The following KRTAP10-10 variants were observed in gnomAD, a reference collection of about 807,000 sequenced individuals.
KRTAP10-10 encodes the protein keratin-associated protein 10-10.
For missense variants in KRTAP10-10, 324 were observed against 319.9 expected, an observed-to-expected ratio of 1.01 and a Z score of -0.10; for synonymous variants, 139 against 137.6, an observed-to-expected ratio of 1.01 and a Z score of -0.07.
At position 44,638,257 on chromosome 21, in the gene KRTAP10-10, G is replaced by A; in HGVS notation, c.*84G>A. 1 of 1,521,864 alleles carries A rather than the reference G, an allele frequency of 6.6e-7. No individual in the cohort carries two copies. Among genetic ancestry groups the A allele is most frequent in the Non-Finnish European group, 8.8e-7 (1 of 1,132,986 alleles). The allele number at this position is 1,521,864 out of a possible 1,614,324, so 94.3% of individuals were successfully genotyped here. On this transcript the variant is annotated 3_prime_UTR_variant, in exon 1 of 1. Transcript: ENST00000380095. ...AGCAAGCTCTGCCCTCTCTGGCTTTGACACCCTCAGAAGGTGGGGCAGGCT... is the reference window on the plus strand; with the variant it reads ...AGCAAGCTCTGCCCTCTCTGGCTTTAACACCCTCAGAAGGTGGGGCAGGCT...
In KRTAP10-10 at chr21:44,638,085, C is replaced by A. The variant is rs148314406; in HGVS notation, c.668C>A (p.Thr223Lys). ...TCCTGCCAGCCCAGCTGCTGCCGCA[C>A]GGCCTCCTGTGTTTCCCTCCTCTGC... ...ASSCQPSCCR[T>K]ASCVSLLCRP... The change falls in exon 1 of 1, where the codon ACG (threonine) becomes AAG (lysine). Residue 223 changes from threonine to lysine, a missense_variant. Transcript: ENST00000380095. 3.1e-6 allele frequency: 5 copies of A among 1,613,512 alleles called. No homozygotes were observed. In the Admixed American group the frequency reaches 6.7e-5, roughly 22 times the overall value.
Position 44,637,858 on chromosome 21 carries a change from T to C in KRTAP10-10, c.441T>C (p.Cys147=). 50 of 1,530,508 alleles carry C rather than the reference T, an allele frequency of 3.3e-5. No homozygotes were observed. The highest frequency in any genetic ancestry group is 4.4e-5 in the Non-Finnish European group (50 of 1,125,484). 94.8% of individuals were successfully genotyped at this position (1,530,508 alleles called of 1,614,324 possible). A position where few individuals can be genotyped will look rare whatever the true frequency, so the allele number is the denominator to read the frequency against. The change falls in exon 1 of 1, where the codon TGT becomes TGC. Residue 147 remains cysteine (C), a synonymous_variant. Coordinates refer to ENST00000380095, the MANE Select transcript of KRTAP10-10 (RefSeq NM_181688.3). Reference sequence around the variant, plus strand: ...CCTCCCCATGCCAGCAGGCCTGCTGTGTGCCTGTCTGCTCTAAGTCCGTCT... The same window carrying C: ...CCTCCCCATGCCAGCAGGCCTGCTGCGTGCCTGTCTGCTCTAAGTCCGTCT... ...CTSSPCQQAC[C]VPVCSKSVCY... is the part of the protein sequence containing the mutation.
rs782103126 is a variant in KRTAP10-10 at position 44,637,957 on chromosome 21, C to T, written c.540C>T (p.Thr180=). 2.4e-5 allele frequency: 39 copies of T among 1,613,966 alleles called. No individual in the cohort carries two copies. Among genetic ancestry groups the T allele is most frequent in the African/African-American group, 5.3e-5 (4 of 74,896 alleles). ...CTAGCTGCCAGCCTGCTTGCTGCAC[C>T]GCCTCCTGCTGCAGACCCTCCTCCT... The part of the protein sequence containing the change: ...QQSSCQPACC[T]ASCCRPSSSV... The change falls in exon 1 of 1, where the codon ACC becomes ACT. Residue 180 remains threonine (T), a synonymous_variant. Transcript: ENST00000380095.
In KRTAP10-10 at chr21:44,638,434, A is replaced by C. The variant is rs1410898367; in HGVS notation, c.*261A>C. 5.2e-6 allele frequency: 2 copies of C among 385,528 alleles called. No individual in the cohort carries two copies. The highest frequency in any genetic ancestry group is 3.3e-5 in the South Asian group (1 of 30,674). 23.9% of individuals were successfully genotyped at this position (385,528 alleles called of 1,614,324 possible). On this transcript the variant is annotated 3_prime_UTR_variant, in exon 1 of 1. Coordinates refer to ENST00000380095, the MANE Select transcript of KRTAP10-10 (RefSeq NM_181688.3). ...GCAGCACCCCCTCTAGTTCTAATAAAGCCGCCTCTGTCTCACACCAACCTC... is the reference window on the plus strand; with the variant it reads ...GCAGCACCCCCTCTAGTTCTAATAACGCCGCCTCTGTCTCACACCAACCTC...
At chr21:44,637,796 TG>T in the KRTAP10-10 span, 4 of 1,361,960 alleles carry the variant, frequency 2.9e-6, no homozygotes, top group Non-Finnish European at 4.0e-6. Flanking sequence ...CCCTTCATGC[TG>T]CCAGCAGTCT....
At position 44,637,605 on chromosome 21, in the gene KRTAP10-10, A is replaced by G; in HGVS notation, c.188A>G (p.Gln63Arg). The change falls in exon 1 of 1, where the codon CAA becomes CGA. Residue 63 changes from glutamine to arginine, a missense_variant. By Grantham distance (43) the Gln-to-Arg change is conservative. Coordinates refer to ENST00000380095, the MANE Select transcript of KRTAP10-10 (RefSeq NM_181688.3). ...ACGGCCTGTGAGCCCAGCGCCTGCC[A>G]ATCAGGCTACACCAGCTCCTGCACA... ...CQTACEPSAC[Q>R]SGYTSSCTTP... The G allele has an allele frequency of 2.5e-6, 4 of 1,613,784 alleles. No individual in the cohort carries two copies. Among genetic ancestry groups the G allele is most frequent in the Non-Finnish European group, 3.4e-6 (4 of 1,179,890 alleles).
rs781995042 is a variant in KRTAP10-10, at chr21:44,637,615, C to T, written c.198C>T (p.Tyr66=). 17 of 1,613,882 alleles carry T rather than the reference C, an allele frequency of 1.1e-5. No homozygotes were observed. Among genetic ancestry groups the T allele is most frequent in the Middle Eastern group, 1.7e-4 (1 of 6,022 alleles). ...AGCCCAGCGCCTGCCAATCAGGCTA[C>T]ACCAGCTCCTGCACAACCCCATGCT... is the stretch of plus-strand genomic sequence containing the variant. ...ACEPSACQSG[Y]TSSCTTPCYQ... Residue 66 remains tyrosine (Y), a synonymous_variant, in exon 1 of 1, where the codon TAC becomes TAT. Transcript: ENST00000380095.
Position 44,637,422 on chromosome 21 carries a change from C to G in KRTAP10-10, c.5C>G (p.Ala2Gly). Residue 2 changes from alanine to glycine, a missense_variant, in exon 1 of 1, where the codon GCC becomes GGC. Ala to Gly is a moderately conservative substitution (Grantham distance 60). Coordinates refer to ENST00000380095, the MANE Select transcript of KRTAP10-10 (RefSeq NM_181688.3). ...TCACCGCCTCCCCACTCCAGCATGG[C>G]CGCCTCCACCATGTCCATCTGCTCC... M[A>G]ASTMSICSSA... The G allele has an allele frequency of 6.2e-7, 1 of 1,602,172 alleles. No individual in the cohort carries two copies. The highest frequency in any genetic ancestry group is 8.5e-7 in the Non-Finnish European group (1 of 1,174,258).
rs587655389 is a variant in KRTAP10-10, at chr21:44,637,447, C to T, written c.30C>T (p.Ser10=). 8.1e-6 allele frequency: 13 copies of T among 1,611,572 alleles called. No homozygotes were observed. In the Admixed American group the frequency reaches 1.2e-4, roughly 14 times the overall value. The change falls in exon 1 of 1, where the codon TCC becomes TCT. Residue 10 remains serine (S), a synonymous_variant. Transcript: ENST00000380095. ...CCGCCTCCACCATGTCCATCTGCTCCAGCGCCTGCACTGACTCTTGGCGGG... is the reference window on the plus strand; with the variant it reads ...CCGCCTCCACCATGTCCATCTGCTCTAGCGCCTGCACTGACTCTTGGCGGG... MAASTMSIC[S]SACTDSWRVV... is the part of the protein sequence containing the mutation.
rs782205291 is a variant in KRTAP10-10 at position 44,637,450 on chromosome 21, C to T, written c.33C>T (p.Ser11=). Residue 11 remains serine, a synonymous_variant, in exon 1 of 1, where the codon AGC becomes AGT. Transcript: ENST00000380095. The part of the protein sequence containing the change: MAASTMSICS[S]ACTDSWRVVD... ...CCTCCACCATGTCCATCTGCTCCAG[C>T]GCCTGCACTGACTCTTGGCGGGTAG... The T allele has an allele frequency of 2.3e-5, 37 of 1,611,668 alleles. 1 individual carries two copies. The highest frequency in any genetic ancestry group is 1.3e-4 in the Admixed American group (8 of 59,918).
Position 44,637,931 on chromosome 21 carries a change from T to A in KRTAP10-10, c.514T>A (p.Ser172Thr). The A allele has an allele frequency of 6.2e-7, 1 of 1,613,040 alleles. No homozygotes were observed. Among genetic ancestry groups the A allele is most frequent in the Admixed American group, 1.7e-5 (1 of 59,946 alleles). Residue 172 changes from serine to threonine, a missense_variant, in exon 1 of 1, where the codon TCT (serine) becomes ACT (threonine). Coordinates refer to ENST00000380095, the MANE Select transcript of KRTAP10-10 (RefSeq NM_181688.3). ...SGASTSCCQQ[S>T]SCQPACCTAS... ...GGCTTCCACTTCATGCTGCCAGCAG[T>A]CTAGCTGCCAGCCTGCTTGCTGCAC...
chr21:44,637,882 CTGCTATGTGCCTGTG>C lies in KRTAP10-10; in HGVS notation c.470_484del (p.Tyr157_Cys161del). 3 of 1,530,142 alleles carry C rather than the reference CTGCTATGTGCCTGTG, an allele frequency of 2.0e-6. No homozygotes were observed. Among genetic ancestry groups the C allele is most frequent in the East Asian group, 2.4e-5 (1 of 42,224 alleles). The allele number at this position is 1,530,142 out of a possible 1,614,324, so 94.8% of individuals were successfully genotyped here. ...GTGTGCCTGTCTGCTCTAAGTCCGT[CTGCTATGTGCCTGTG>C]TGCTCTGGGGCTTCCACTTCATGCT... On this transcript the variant is annotated inframe_deletion, in exon 1 of 1. Coordinates refer to ENST00000380095, the MANE Select transcript of KRTAP10-10 (RefSeq NM_181688.3).
rs1046828625 is a variant in KRTAP10-10 at position 44,638,337 on chromosome 21, G to A, written c.*164G>A. 20 of 411,486 alleles carry A rather than the reference G, an allele frequency of 4.9e-5. 4 individuals are homozygous for A. The highest frequency in any genetic ancestry group is 4.3e-4 in the African/African-American group (19 of 44,008). 25.5% of individuals were successfully genotyped at this position (411,486 alleles called of 1,614,324 possible). A position where few individuals can be genotyped will look rare whatever the true frequency, so the allele number is the denominator to read the frequency against. Reference sequence around the variant, plus strand: ...AGTCCTTCCCAGATGATGGCTGCCTGTGGGACCCCAGCTACTCCCCCAGAC... The same window carrying A: ...AGTCCTTCCCAGATGATGGCTGCCTATGGGACCCCAGCTACTCCCCCAGAC... On this transcript the variant is annotated 3_prime_UTR_variant, in exon 1 of 1. Coordinates refer to ENST00000380095, the MANE Select transcript of KRTAP10-10 (RefSeq NM_181688.3).
In KRTAP10-10 at chr21:44,637,663, G is replaced by A. The variant is rs150687639; in HGVS notation, c.246G>A (p.Pro82=). ...TPCYQQSSCQ[P]DCCTSSPCQQ... ...GCTACCAGCAGTCTAGCTGCCAGCC[G>A]GATTGCTGCACCTCCTCCCCCTGCC... The change falls in exon 1 of 1, where the codon CCG becomes CCA. Residue 82 remains proline, a synonymous_variant. Transcript: ENST00000380095. 4.0e-5 allele frequency: 63 copies of A among 1,579,050 alleles called. No individual in the cohort carries two copies. The highest frequency in any genetic ancestry group is 3.3e-4 in the Admixed American group (18 of 54,974).
Position 44,638,142 on chromosome 21 carries a change from G to C in KRTAP10-10, c.725G>C (p.Ser242Thr). 1 of 1,612,648 alleles carries C rather than the reference G, an allele frequency of 6.2e-7. No individual in the cohort carries two copies. Among genetic ancestry groups the C allele is most frequent in the South Asian group, 1.1e-5 (1 of 90,914 alleles). The change falls in exon 1 of 1, where the codon AGC (serine) becomes ACC (threonine). Residue 242 changes from serine (S) to threonine (T), a missense_variant. Ser to Thr is a moderately conservative substitution (Grantham distance 58). Coordinates refer to ENST00000380095, the MANE Select transcript of KRTAP10-10 (RefSeq NM_181688.3). ...RPVCSRPACY[S>T]LCSGQKSSC ...GTGTGCTCCCGCCCTGCCTGCTACA[G>C]CCTCTGCTCTGGCCAGAAGTCCAGC...
Position 44,637,884 on chromosome 21 carries a change from G to A in KRTAP10-10, c.467G>A (p.Cys156Tyr), listed in dbSNP as rs782538046. The A allele has an allele frequency of 6.5e-7, 1 of 1,533,798 alleles. No homozygotes were observed. Among genetic ancestry groups the A allele is most frequent in the South Asian group, 1.2e-5 (1 of 85,140 alleles). The change falls in exon 1 of 1, where the codon TGC becomes TAC. Residue 156 changes from cysteine to tyrosine, a missense_variant. Physicochemically the swap from Cys to Tyr is radical, Grantham distance 194. Coordinates refer to ENST00000380095, the MANE Select transcript of KRTAP10-10 (RefSeq NM_181688.3). ...GTGCCTGTCTGCTCTAAGTCCGTCT[G>A]CTATGTGCCTGTGTGCTCTGGGGCT... ...CCVPVCSKSVCYVPVCSGAST... is the reference protein window; with the variant it reads ...CCVPVCSKSVYYVPVCSGAST...
In KRTAP10-10 at chr21:44,637,423, C is replaced by G; in HGVS notation, c.6C>G (p.Ala2=). Residue 2 remains alanine (A), a synonymous_variant, in exon 1 of 1, where the codon GCC becomes GCG. Coordinates refer to ENST00000380095, the MANE Select transcript of KRTAP10-10 (RefSeq NM_181688.3). The stretch of plus-strand genomic sequence containing the variant: ...CACCGCCTCCCCACTCCAGCATGGC[C>G]GCCTCCACCATGTCCATCTGCTCCA... M[A]ASTMSICSSA... 1.9e-6 allele frequency: 3 copies of G among 1,603,100 alleles called. No individual in the cohort carries two copies. Among genetic ancestry groups the G allele is most frequent in the Non-Finnish European group, 2.6e-6 (3 of 1,174,678 alleles).
chr21:44,638,027 G>C lies in KRTAP10-10; in HGVS notation c.610G>C (p.Val204Leu), dbSNP rs148110670. The change falls in exon 1 of 1, where the codon GTG (valine) becomes CTG (leucine). Residue 204 changes from valine (V) to leucine (L), a missense_variant. Coordinates refer to ENST00000380095, the MANE Select transcript of KRTAP10-10 (RefSeq NM_181688.3). ...CHPVCKSTCC[V>L]PVPSCGASAS... ...CCCTGTGTGCAAGTCCACCTGCTGC[G>C]TGCCCGTCCCCTCCTGCGGTGCCTC... 7 of 1,613,242 alleles carry C rather than the reference G, an allele frequency of 4.3e-6. No individual in the cohort carries two copies. Among genetic ancestry groups the C allele is most frequent in the Non-Finnish European group, 5.9e-6 (7 of 1,179,572 alleles).
Position 44,637,398 on chromosome 21 carries a change from C to A in KRTAP10-10, c.-20C>A. Reference sequence around the variant, plus strand: ...ACTCACTCACACACCTCCCCCAGCTCACCGCCTCCCCACTCCAGCATGGCC... The same window carrying A: ...ACTCACTCACACACCTCCCCCAGCTAACCGCCTCCCCACTCCAGCATGGCC... On this transcript the variant is annotated 5_prime_UTR_variant, in exon 1 of 1. Coordinates refer to ENST00000380095, the MANE Select transcript of KRTAP10-10 (RefSeq NM_181688.3). 6.3e-7 allele frequency: 1 copy of A among 1,590,688 alleles called. No homozygotes were observed. The highest frequency in any genetic ancestry group is 8.6e-7 in the Non-Finnish European group (1 of 1,168,670).
Sources: gnomAD v4.1 joint callset for allele counts on GRCh38, gnomAD v4.1.1 for gene constraint, MANE v1.5 for transcripts, NCBI Gene and HGNC (gene_info 2026-07-23, HGNC 2026-07-21) for gene names.